The following CPAP variants were observed in gnomAD, a reference collection of about 807,000 sequenced individuals.
CPAP encodes centrosomal P4.1-associated protein.
At chr13:24,923,727 A>G in the CPAP span, among the ~76,000 whole-genome samples, 2 of 152,244 alleles carry the variant, frequency 1.3e-5, no homozygotes, top group Non-Finnish European at 2.9e-5. Flanking sequence ...TTTCACAGAA[A>G]TTTGGTCCTC....
chr13:24,920,619 CTTTTT>C, the CPAP span, among the ~76,000 whole-genome samples: 4 of 125,266 alleles, frequency 3.2e-5, no homozygotes, highest in African/African-American at 1.2e-4. Context: ...AATATGATTC[CTTTTT>C]TTTTTTTTTT....
the CPAP span, among the ~76,000 whole-genome samples, chr13:24,894,102 A>G: frequency 6.6e-6 from 1 of 152,156 alleles, no homozygotes; most frequent in Admixed American, 6.5e-5. Context: ...ACAAGGGACC[A>G]GCGCAGATGA....
At chr13:24,911,881 A>T in the CPAP span, 2 of 1,589,728 alleles carry the variant, frequency 1.3e-6, no homozygotes, top group Admixed American at 3.3e-5. Flanking sequence ...GATAGAAATA[A>T]CGTGTCAAAC....
the CPAP span, chr13:24,905,796 C>T: frequency 1.2e-6 from 2 of 1,614,160 alleles, no homozygotes; most frequent in African/African-American, 1.3e-5. Context: ...CTTTTATCTT[C>T]TTGGGTCCTG....
chr13:24,906,559 G>A, the CPAP span: 1 of 1,614,154 alleles, frequency 6.2e-7, no homozygotes, highest in Non-Finnish European at 8.5e-7. Context: ...ATGTGACTTT[G>A]TTTTCAAATT....
At chr13:24,921,955 T>A in the CPAP span, among the ~76,000 whole-genome samples, 1 of 152,190 alleles carries the variant, frequency 6.6e-6, no homozygotes, top group Non-Finnish European at 1.5e-5. Context: ...TACTGAGGTC[T>A]TGGTAAAGGG....
the CPAP span, chr13:24,913,199 A>T: frequency 1.7e-6 from 1 of 604,900 alleles, no homozygotes; most frequent in Non-Finnish European, 2.9e-6. Flanking sequence ...AATATTTCAT[A>T]TACAAAAGAC....
At chr13:24,916,441 A>T in the CPAP span, among the ~76,000 whole-genome samples, 1 of 152,250 alleles carries the variant, frequency 6.6e-6, no homozygotes, top group Non-Finnish European at 1.5e-5. Context: ...AGATGCCAAA[A>T]CATTAAAACA....
the CPAP span, among the ~76,000 whole-genome samples, chr13:24,916,604 T>G: frequency 6.6e-6 from 1 of 152,248 alleles, no homozygotes. Context: ...ACCATTCAAC[T>G]TGAAGAAACT....
At chr13:24,887,632 T>C in the CPAP span, among the ~76,000 whole-genome samples, 1 of 152,044 alleles carries the variant, frequency 6.6e-6, no homozygotes, top group Non-Finnish European at 1.5e-5. Flanking sequence ...TTCTACATTA[T>C]GGTGAGTTGT....
the CPAP span, chr13:24,892,669 C>G: frequency 6.2e-7 from 1 of 1,614,118 alleles, no homozygotes; most frequent in Non-Finnish European, 8.5e-7. Context: ...TTCTCCACCT[C>G]GAGGCTGCTC....
At chr13:24,884,021 A>ATAAG in the CPAP span, 1 of 1,614,130 alleles carries the variant, frequency 6.2e-7, no homozygotes, top group African/African-American at 1.3e-5. Flanking sequence ...CCATCAGGAA[A>ATAAG]TAAGTTTTTA....
At chr13:24,902,263 A>C in the CPAP span, among the ~76,000 whole-genome samples, 1 of 152,180 alleles carries the variant, frequency 6.6e-6, no homozygotes. Flanking sequence ...CAACAACAAA[A>C]AAACAAAAAC....
chr13:24,912,863 G>C, the CPAP span: 7,874 of 1,614,104 alleles, frequency 4.9e-3, 289 homozygotes, highest in African/African-American at 0.087. Flanking sequence ...CCTTTAATAG[G>C]AAAGCTGGTA....
At chr13:24,906,271 T>C in the CPAP span, 5 of 1,601,348 alleles carry the variant, frequency 3.1e-6, no homozygotes, top group Non-Finnish European at 4.3e-6. Context: ...TACTAGAAAA[T>C]GATATTTCAT....
At chr13:24,903,960 G>T in the CPAP span, 1 of 1,614,058 alleles carries the variant, frequency 6.2e-7, no homozygotes, top group Non-Finnish European at 8.5e-7. Context: ...CGTTCAATGC[G>T]AAGTTTAGCT....
At chr13:24,896,210 G>C in the CPAP span, among the ~76,000 whole-genome samples, 32 of 152,190 alleles carry the variant, frequency 2.1e-4, no homozygotes, top group Non-Finnish European at 1.6e-4. Flanking sequence ...AACCAAGTAC[G>C]AACAGGGTCC....
the CPAP span, chr13:24,889,157 G>A: frequency 3.2e-5 from 21 of 648,174 alleles, no homozygotes; most frequent in East Asian, 5.5e-5. Context: ...ATTAACTGGC[G>A]GAATAAGATG....
At chr13:24,888,485 G>A in the CPAP span, among the ~76,000 whole-genome samples, 2 of 152,090 alleles carry the variant, frequency 1.3e-5, no homozygotes, top group East Asian at 3.8e-4. Flanking sequence ...ACCAGCTCAC[G>A]GAATCAACCA....
Sources: allele counts gnomAD v4.1 joint callset (sites outside exome capture counted in the v4.1 genomes callset), GRCh38; gene constraint gnomAD v4.1.1; transcripts MANE v1.5; gene names NCBI Gene and HGNC (gene_info 2026-07-23, HGNC 2026-07-21).